The following CNBD2 variants were observed in gnomAD, a reference collection of about 807,000 sequenced individuals.
CNBD2 encodes cyclic nucleotide binding domain containing 2.
Under a neutral mutation model 63.7 loss-of-function variants are expected in CNBD2, and 64 were observed. That is an observed-to-expected ratio of 1.00 (90% confidence interval 0.82 to 1.24). The LOEUF (loss-of-function observed/expected upper bound fraction) is 1.24. Ranked by LOEUF, CNBD2 falls within the 50% of genes most tolerant of loss-of-function variation. The pLI is 0.00. For missense variants in CNBD2, 691 were observed against 713.5 expected (o/e 0.97, Z 0.36); for synonymous variants, 229 against 255.4 (o/e 0.90, Z 0.99).
At chr20:35,963,284 T>C (rs1311465434) in intron 2 of CNBD2, among the ~76,000 whole-genome samples, 1 of 150,554 alleles carries the variant, frequency 6.6e-6, no homozygotes, top group African/African-American at 2.5e-5. Flanking sequence ...GAGGCTGCAG[T>C]GAGCTGTGAT....
intron 10 of CNBD2, among the ~76,000 whole-genome samples, chr20:36,012,997 CAG>C (rs1404974937): frequency 6.6e-6 from 1 of 152,084 alleles, no homozygotes; most frequent in South Asian, 2.1e-4. Context: ...AGGTGAAGCA[CAG>C]GGGACTTTTA....
At chr20:35,963,952 A>G (rs1439742372), upstream of CNBD2, among the ~76,000 whole-genome samples, 1 of 152,208 alleles carries the variant, frequency 6.6e-6, no homozygotes, top group Non-Finnish European at 1.5e-5. Context: ...TACAGAGCCA[A>G]TACCTCAACT....
intron 8 of CNBD2, among the ~76,000 whole-genome samples, chr20:36,000,845 CAG>C (rs1156781557): frequency 6.8e-6 from 1 of 147,678 alleles, no homozygotes; most frequent in Non-Finnish European, 1.5e-5. Flanking sequence ...GGAAGGTCAG[CAG>C]ATAAGTGAAC....
intron 3 of CNBD2, among the ~76,000 whole-genome samples, chr20:35,979,863 A>G (rs541810385): frequency 1.3e-5 from 2 of 152,346 alleles, no homozygotes; most frequent in South Asian, 4.1e-4. Flanking sequence ...TAGAGAACAA[A>G]GGGGAGAGGT....
chr20:35,975,509 C>G (rs1346760404), intron 2 of CNBD2, among the ~76,000 whole-genome samples: 2 of 148,070 alleles, frequency 1.4e-5, no homozygotes, highest in African/African-American at 2.5e-5. Flanking sequence ...ACCTTGTTAG[C>G]CAGGATGGTC....
At chr20:36,003,842 AC>A (rs2147304320) in intron 8 of CNBD2, among the ~76,000 whole-genome samples, 1 of 151,444 alleles carries the variant, frequency 6.6e-6, no homozygotes, top group African/African-American at 2.4e-5. Flanking sequence ...GGAATTCAAG[AC>A]CAGCTTGGAA....
chr20:35,955,738 C>A (rs1041956490), downstream of CNBD2, among the ~76,000 whole-genome samples: 1 of 152,108 alleles, frequency 6.6e-6, no homozygotes, highest in African/African-American at 2.4e-5. Flanking sequence ...AGGTGGTTTT[C>A]TGTTTGGTAG....
intron 4 of CNBD2, among the ~76,000 whole-genome samples, chr20:35,981,853 G>A (rs1021205409): frequency 4.6e-5 from 7 of 152,194 alleles, no homozygotes; most frequent in Non-Finnish European, 1.0e-4. Context: ...GTGGTCCTCT[G>A]TCTGTCCTCT....
upstream of CNBD2, among the ~76,000 whole-genome samples, chr20:35,964,751 G>A (rs570572328): frequency 5.3e-5 from 8 of 151,222 alleles, no homozygotes; most frequent in Admixed American, 2.6e-4. Context: ...TTGCCAGGCT[G>A]GAGTGCAGTG....
intron 8 of CNBD2, among the ~76,000 whole-genome samples, chr20:36,001,040 G>A (rs1429457449): frequency 1.3e-5 from 2 of 151,286 alleles, no homozygotes; most frequent in Non-Finnish European, 2.9e-5. Flanking sequence ...CACAGCACAT[G>A]TTTCAGAGAG....
intron 10 of CNBD2, among the ~76,000 whole-genome samples, chr20:36,017,437 G>C (rs1047005330): frequency 2.6e-5 from 4 of 152,124 alleles, no homozygotes; most frequent in African/African-American, 9.7e-5. Flanking sequence ...CAGCCTGTAT[G>C]TCCTCAGGGC....
At chr20:35,987,221 G>A (rs1353371968) in intron 6 of CNBD2, among the ~76,000 whole-genome samples, 174 bp from the exon 7 acceptor site, 1 of 152,200 alleles carries the variant, frequency 6.6e-6, no homozygotes, top group South Asian at 2.1e-4. Context: ...GGGAGCCAAG[G>A]TGATAGCAGG....
chr20:36,025,537 C>G (rs571096484), intron 11 of CNBD2, among the ~76,000 whole-genome samples: 1 of 152,042 alleles, frequency 6.6e-6, no homozygotes, highest in Non-Finnish European at 1.5e-5. Flanking sequence ...GGTCTCATTA[C>G]GTTGCCCAAG....
chr20:35,962,908 C>T (rs1388438735), intron 2 of CNBD2, among the ~76,000 whole-genome samples: 4 of 152,120 alleles, frequency 2.6e-5, no homozygotes, highest in African/African-American at 9.7e-5. Flanking sequence ...AGTTTTCCTT[C>T]TTTTTAGGCT....
downstream of CNBD2, among the ~76,000 whole-genome samples, chr20:35,957,309 G>A (rs950897331): frequency 2.0e-5 from 3 of 152,198 alleles, no homozygotes; most frequent in East Asian, 1.9e-4. Flanking sequence ...GTAGTTGGCC[G>A]GGCGCGGTGG....
At chr20:36,023,426 C>T (rs1368377478) in intron 10 of CNBD2, among the ~76,000 whole-genome samples, 176 bp from the exon 11 acceptor site, 1 of 151,978 alleles carries the variant, frequency 6.6e-6, no homozygotes, top group East Asian at 1.9e-4. Flanking sequence ...GCAGGAGAAT[C>T]GTTTGAACCT....
At chr20:36,015,490 A>T (rs553042373) in intron 10 of CNBD2, among the ~76,000 whole-genome samples, 1 of 152,312 alleles carries the variant, frequency 6.6e-6, no homozygotes, top group Non-Finnish European at 1.5e-5. Context: ...ACAGTTTCCC[A>T]ATAAAAGGAA....
At chr20:35,990,240 T>A (rs933293172) in intron 7 of CNBD2, among the ~76,000 whole-genome samples, 1 of 152,164 alleles carries the variant, frequency 6.6e-6, no homozygotes, top group African/African-American at 2.4e-5. Flanking sequence ...AGGAAAGTGA[T>A]AAAAGAAAAT....
At chr20:35,990,796 C>T (rs1194538775) in intron 7 of CNBD2, among the ~76,000 whole-genome samples, 1 of 151,538 alleles carries the variant, frequency 6.6e-6, no homozygotes, top group Non-Finnish European at 1.5e-5. Flanking sequence ...ACTAAAAATA[C>T]AAAAACTAGC....
Sources: gnomAD v4.1 joint callset for allele counts (sites outside exome capture counted in the v4.1 genomes callset) on GRCh38, gnomAD v4.1.1 for gene constraint, MANE v1.5 for transcripts, NCBI Gene and HGNC (gene_info 2026-07-23, HGNC 2026-07-21) for gene names.